Variants in MARK1 observed in about 807,000 individuals in gnomAD.
MARK1 encodes the protein microtubule affinity regulating kinase 1.
A neutral mutation model predicts 96.3 loss-of-function variants in MARK1; 40 were observed. The observed-to-expected ratio is 0.42, with a 90% CI of 0.32 to 0.54. MARK1 has a LOEUF of 0.54. Ranked by LOEUF, MARK1 falls within the 20% of genes least tolerant of loss-of-function variation. The pLI, the probability that MARK1 is intolerant of heterozygous loss-of-function variation, is 0.16. For synonymous variants in MARK1, 317 were observed against 341.2 expected, an observed-to-expected ratio of 0.93 and a Z score of 0.78; for missense variants, 719 against 984.6, an observed-to-expected ratio of 0.73 and a Z score of 3.61.
chr1:220,641,840 G>C (rs527871911), intron 13 of MARK1, among the ~76,000 whole-genome samples: 2 of 152,188 alleles, frequency 1.3e-5, no homozygotes, highest in East Asian at 3.9e-4. Context: ...CTCCCTCCCC[G>C]AGCCAAGAGA....
intron 1 of MARK1, among the ~76,000 whole-genome samples, chr1:220,550,976 T>C (rs755719811): frequency 1.6e-4 from 24 of 152,204 alleles, no homozygotes; most frequent in Non-Finnish European, 2.6e-4. Flanking sequence ...GAGTCTGGTA[T>C]TAAGAGGCTG....
At chr1:220,557,884 C>T (rs1488826098) in intron 1 of MARK1, among the ~76,000 whole-genome samples, 2 of 151,956 alleles carry the variant, frequency 1.3e-5, no homozygotes, top group African/African-American at 4.8e-5. Flanking sequence ...AATCCCAGAA[C>T]TTTGGGAAGC....
chr1:220,645,329 GT>G (rs1291333248), intron 13 of MARK1, among the ~76,000 whole-genome samples: 2 of 152,044 alleles, frequency 1.3e-5, no homozygotes, highest in African/African-American at 4.8e-5. Flanking sequence ...AAATGGATAA[GT>G]TTCTGGACAC....
At chr1:220,625,817 A>C (rs1434985260) in intron 9 of MARK1, 4 of 460,314 alleles carry the variant, frequency 8.7e-6, no homozygotes, top group Non-Finnish European at 1.7e-5. Flanking sequence ...ATTATAGACA[A>C]GACCATCCAA....
In MARK1 at chr1:220,652,098, A is replaced by G. The variant is rs1668915061; in HGVS notation, c.1684A>G (p.Ile562Val). Residue 562 changes from isoleucine (I) to valine (V), a missense_variant, in exon 15 of 18, where the codon ATT becomes GTT. Physicochemically the swap from Ile to Val is conservative, Grantham distance 29. Around this residue, in one of 4 missense-constraint regions of MARK1, gnomAD observed 501 missense variants for 588.3 expected, o/e 0.85. Transcript: ENST00000366917. ...QKSMSTSGHP[I>V]KVTLPTIKDG... is the part of the protein sequence containing the mutation. ...GTCCATGTCCACTTCTGGTCATCCT[A>G]TTAAAGTCACACTGCCAACCATTAA... The G allele has an allele frequency of 6.2e-7, 1 of 1,613,466 alleles. No individual in the cohort carries two copies. Among genetic ancestry groups the G allele is most frequent in the Non-Finnish European group, 8.5e-7 (1 of 1,179,574 alleles).
chr1:220,600,649 G>GT lies in MARK1; in HGVS notation c.424+790dup, dbSNP rs369349845. 3.6e-3 allele frequency among the ~76,000 whole-genome samples: 554 copies of GT among 152,244 alleles called. 5 individuals are homozygous for GT. Among genetic ancestry groups the GT allele is most frequent in the African/African-American group, 0.013 (523 of 41,564 alleles). The stretch of plus-strand genomic sequence containing the variant: ...AAAAATAAAGAATACTTAAAGGGAG[G>GT]TTTTAAGGGCTCAGGATTTAAGCAA... On this transcript the variant is annotated intron_variant, in intron 5 of 17. Transcript: ENST00000366917.
chr1:220,541,203 G>T (rs550299620), intron 1 of MARK1, among the ~76,000 whole-genome samples: 10 of 152,264 alleles, frequency 6.6e-5, no homozygotes, highest in African/African-American at 2.4e-4. Flanking sequence ...AAAGTGCTGG[G>T]ATGACAGGCA....
At chr1:220,536,935 C>G (rs1023165902) in intron 1 of MARK1, among the ~76,000 whole-genome samples, 2 of 151,920 alleles carry the variant, frequency 1.3e-5, no homozygotes, top group Non-Finnish European at 2.9e-5. Context: ...CTGTAAATAA[C>G]CTTGATGAGT....
At chr1:220,641,358 AG>A (rs1177178294) in intron 13 of MARK1, among the ~76,000 whole-genome samples, 2 of 152,164 alleles carry the variant, frequency 1.3e-5, no homozygotes, top group African/African-American at 4.8e-5. Context: ...CTTACAAAAG[AG>A]GCCCAAGGGA....
At chr1:220,645,572 ACAT>A (rs1375836739) in intron 13 of MARK1, among the ~76,000 whole-genome samples, 1 of 152,196 alleles carries the variant, frequency 6.6e-6, no homozygotes, top group Non-Finnish European at 1.5e-5. Flanking sequence ...TGTGAGGCCA[ACAT>A]CATCCTGATA....
At chr1:220,605,743 C>G (rs1666035152) in intron 6 of MARK1, among the ~76,000 whole-genome samples, 1 of 151,380 alleles carries the variant, frequency 6.6e-6, no homozygotes, top group African/African-American at 2.4e-5. Flanking sequence ...CAATTCCCAC[C>G]TATGAGTGAG....
At chr1:220,570,363 A>T (rs1304002644) in intron 1 of MARK1, among the ~76,000 whole-genome samples, 3 of 152,122 alleles carry the variant, frequency 2.0e-5, no homozygotes, top group African/African-American at 7.2e-5. Flanking sequence ...TTATTGATTT[A>T]CTTGGATTTT....
chr1:220,599,234 A>G (rs1037184886), intron 4 of MARK1, among the ~76,000 whole-genome samples: 1 of 152,176 alleles, frequency 6.6e-6, no homozygotes, highest in African/African-American at 2.4e-5. Context: ...GTGACAAGTA[A>G]AATTCTTTTT....
At chr1:220,546,079 C>T (rs921375963) in intron 1 of MARK1, among the ~76,000 whole-genome samples, 6 of 152,188 alleles carry the variant, frequency 3.9e-5, no homozygotes, top group Non-Finnish European at 2.9e-5. Flanking sequence ...CCACCTTACC[C>T]TTGATGTCTT....
chr1:220,593,750 C>T (rs907026322), intron 3 of MARK1, among the ~76,000 whole-genome samples: 6 of 152,080 alleles, frequency 3.9e-5, no homozygotes, highest in Admixed American at 1.3e-4. Context: ...GGTAAAAACC[C>T]TGAATGTGTT....
intron 11 of MARK1, among the ~76,000 whole-genome samples, chr1:220,633,706 A>C (rs1193605043): frequency 6.6e-6 from 1 of 152,218 alleles, no homozygotes; most frequent in East Asian, 1.9e-4. Context: ...AGTAGAATTA[A>C]CAGTAGCACT....
At chr1:220,623,384 T>C (rs1667148397) in intron 9 of MARK1, among the ~76,000 whole-genome samples, 1 of 152,228 alleles carries the variant, frequency 6.6e-6, no homozygotes, top group Non-Finnish European at 1.5e-5. Flanking sequence ...CTTTCTATGC[T>C]TTATTTTGGA....
chr1:220,612,290 CT>C (rs1335136839), intron 6 of MARK1, among the ~76,000 whole-genome samples: 1 of 152,118 alleles, frequency 6.6e-6, no homozygotes, highest in Non-Finnish European at 1.5e-5. Context: ...TCCATCTTTG[CT>C]GGTGAGCGAG....
At chr1:220,631,968 C>T (rs1199653133) in intron 10 of MARK1, among the ~76,000 whole-genome samples, 1 of 152,044 alleles carries the variant, frequency 6.6e-6, no homozygotes, top group Admixed American at 6.6e-5. Flanking sequence ...ATTAAGTGGG[C>T]CCATTAATAT....
Sources: gnomAD v4.1 joint callset for allele counts (sites outside exome capture counted in the v4.1 genomes callset) on GRCh38, gnomAD v4.1.1 for gene constraint, gnomAD v4.1.1 regional missense constraint, MANE v1.5 for transcripts, NCBI Gene and HGNC (gene_info 2026-07-23, HGNC 2026-07-21) for gene names.